ZCCHC4: variants seen among roughly 807,000 people sequenced by gnomAD.
ZCCHC4 encodes zinc finger CCHC-type containing 4, also known as rRNA N(6)-adenosine-methyltransferase ZCCHC4.
Under a neutral mutation model 67.7 loss-of-function variants are expected in ZCCHC4, and 54 were observed. The ratio of observed to expected loss-of-function variants is 0.80; its 90% CI spans 0.64 to 1.00. ZCCHC4 has a LOEUF of 1.00. ZCCHC4 is among the 50% of genes least tolerant of loss of function. ZCCHC4 has a pLI of 0.00. For missense variants in ZCCHC4, 609 were observed against 617.0 expected (o/e 0.99, Z 0.14); for synonymous variants, 198 against 213.5 (o/e 0.93, Z 0.63).
chr4:25,350,254 CTT>C (rs751802021), intron 7 of ZCCHC4, among the ~76,000 whole-genome samples: 5 of 84,908 alleles, frequency 5.9e-5, no homozygotes, highest in East Asian at 4.0e-4. Flanking sequence ...GGTACTGCTT[CTT>C]TTTTTTTTTT....
rs374323875 is a variant in ZCCHC4 at position 25,365,141 on chromosome 4, A to G, written c.1381A>G (p.Ile461Val). 3.7e-6 allele frequency: 6 copies of G among 1,614,126 alleles called. No individual in the cohort carries two copies. The highest frequency in any genetic ancestry group is 5.1e-6 in the Non-Finnish European group (6 of 1,179,988). ...LDHKRSTCPNIATSKRANKAV... is the reference protein window; with the variant it reads ...LDHKRSTCPNVATSKRANKAV... The stretch of plus-strand genomic sequence containing the variant: ...TCATAAACGCAGTACTTGTCCTAAC[A>G]TTGCTACATCTAAGAGAGCTAACAA... The change falls in exon 12 of 13, where the codon ATT (isoleucine) becomes GTT (valine). Residue 461 changes from isoleucine to valine, a missense_variant. By Grantham distance (29) the Ile-to-Val change is conservative (BLOSUM62 3). Transcript: ENST00000302874.
chr4:25,366,642 T>G (rs1165597017), intron 12 of ZCCHC4, among the ~76,000 whole-genome samples: 3 of 152,204 alleles, frequency 2.0e-5, no homozygotes, highest in African/African-American at 7.2e-5. Flanking sequence ...ATATTTTCCT[T>G]AGAATAAACC....
rs1415744013 is a variant in ZCCHC4 at position 25,359,089 on chromosome 4, G to A, written c.1012-2770G>A. On this transcript the variant is annotated intron_variant, in intron 8 of 12. Coordinates refer to ENST00000302874, the MANE Select transcript of ZCCHC4 (RefSeq NM_024936.3). This position sits in a 1 kb window ranked among gnomAD's most constrained non-coding sequence, Gnocchi z 4.9. ...TGGGTCAGCCATGTGGCCACAGCAT[G>A]GGTTGTGGTGCCCATTGTCAGCTGT... Among the ~76,000 whole-genome samples the A allele has an allele frequency of 6.6e-6, 1 of 152,208 alleles. No individual in the cohort carries two copies. The highest frequency in any genetic ancestry group is 1.9e-4 in the East Asian group (1 of 5,190).
chr4:25,323,221 G>A (rs1384971366), intron 3 of ZCCHC4, among the ~76,000 whole-genome samples: 2 of 152,176 alleles, frequency 1.3e-5, no homozygotes, highest in African/African-American at 2.4e-5. Context: ...TTCATTAGCT[G>A]TAATTCTTCT....
intron 3 of ZCCHC4, among the ~76,000 whole-genome samples, chr4:25,318,587 TC>T (rs1162891106): frequency 2.0e-5 from 3 of 152,098 alleles, no homozygotes; most frequent in African/African-American, 7.2e-5. Context: ...ACTCCTGACC[TC>T]CGGTGGTCTG....
At chr4:25,361,657 T>C (rs1720744268) in intron 8 of ZCCHC4, 1 of 554,792 alleles carries the variant, frequency 1.8e-6, no homozygotes. Context: ...AAACTGTCTA[T>C]GATCCTTGAG....
intron 7 of ZCCHC4, among the ~76,000 whole-genome samples, chr4:25,350,087 A>C (rs980452143): frequency 5.9e-5 from 9 of 152,198 alleles, no homozygotes; most frequent in Non-Finnish European, 1.0e-4. Flanking sequence ...CCTGAGGTCC[A>C]GGGCTCTACG....
At chr4:25,319,397 AAAAG>A (rs1442263350) in intron 3 of ZCCHC4, among the ~76,000 whole-genome samples, 3 of 152,080 alleles carry the variant, frequency 2.0e-5, no homozygotes, top group Non-Finnish European at 2.9e-5. Context: ...AGAAAAAAAA[AAAAG>A]AAAGAAAAGG....
At chr4:25,318,990 C>T (rs1454241255) in intron 3 of ZCCHC4, among the ~76,000 whole-genome samples, 1 of 151,790 alleles carries the variant, frequency 6.6e-6, no homozygotes, top group East Asian at 1.9e-4. Context: ...ATTGAAGGCT[C>T]AAAAAGCATT....
intron 8 of ZCCHC4, among the ~76,000 whole-genome samples, chr4:25,357,159 A>G (rs1258927039): frequency 1.3e-5 from 2 of 152,238 alleles, no homozygotes; most frequent in Non-Finnish European, 2.9e-5. Flanking sequence ...GATAAGTCCA[A>G]TTGCTATTCC....
rs760723180 is a variant in ZCCHC4 at position 25,351,599 on chromosome 4, C to T, written c.921C>T (p.His307=). The T allele has an allele frequency of 8.1e-6, 13 of 1,607,436 alleles. No individual in the cohort carries two copies. The African/African-American group carries it at 9.4e-5, about 12-fold the overall frequency. The change falls in exon 8 of 13, where the codon CAC becomes CAT. Residue 307 remains histidine (H), a synonymous_variant. Transcript: ENST00000302874. ...WKEGQSQDDS[H]KELPIFWIFP... ...TTTGTGATCCATTAGATGACAGTCA[C>T]AAAGAACTACCCATTTTCTGGATTT...
At chr4:25,365,841 TG>T in intron 12 of ZCCHC4, 6 of 985,408 alleles carry the variant, frequency 6.1e-6, no homozygotes, top group Non-Finnish European at 7.2e-6. Context: ...AGAAAAACAT[TG>T]CTATTTTAAC....
Position 25,324,014 on chromosome 4 carries a change from G to GTTTTTTTTTTTTTTTTTTTTTTTTT in ZCCHC4, c.329+8630_329+8631insTTTTTTTTTTTTTTTTTTTTTTTTT, listed in dbSNP as rs71188998. On this transcript the variant is annotated intron_variant, in intron 3 of 12. Coordinates refer to ENST00000302874, the MANE Select transcript of ZCCHC4 (RefSeq NM_024936.3). The stretch of plus-strand genomic sequence containing the variant: ...TCGTACAGTATGTACTGTTTTTTGT[G>GTTTTTTTTTTTTTTTTTTTTTTTTT]TTTTTTTTTTTTTTTTGAGACAGAG... Among the ~76,000 whole-genome samples, 37 of 82,426 alleles carry GTTTTTTTTTTTTTTTTTTTTTTTTT rather than the reference G, an allele frequency of 4.5e-4. 10 individuals carry two copies. Among genetic ancestry groups the GTTTTTTTTTTTTTTTTTTTTTTTTT allele is most frequent in the Non-Finnish European group, 5.4e-4 (25 of 46,554 alleles). 54.1% of individuals were successfully genotyped at this position (82,426 alleles called of 152,430 possible).
At chr4:25,366,307 A>C in intron 12 of ZCCHC4, 1 of 797,938 alleles carries the variant, frequency 1.3e-6, no homozygotes, top group Non-Finnish European at 1.5e-6. Flanking sequence ...CTTATTGAAG[A>C]ATCTTTTTTT....
chr4:25,357,897 C>T (rs932273457), intron 8 of ZCCHC4, among the ~76,000 whole-genome samples: 12 of 152,010 alleles, frequency 7.9e-5, no homozygotes, highest in African/African-American at 2.9e-4. Flanking sequence ...TTTATTAGGC[C>T]CTAGGTGAGG....
chr4:25,364,543 A>G, intron 11 of ZCCHC4, 38 bp downstream of exon 11: 7 of 1,491,688 alleles, frequency 4.7e-6, no homozygotes, highest in Non-Finnish European at 6.3e-6. Context: ...TCCTATGAAC[A>G]TATTTTAGAG....
At chr4:25,341,202 G>T (rs1719742443) in intron 5 of ZCCHC4, among the ~76,000 whole-genome samples, 1 of 152,134 alleles carries the variant, frequency 6.6e-6, no homozygotes, top group South Asian at 2.1e-4. Flanking sequence ...ACTGTTATCT[G>T]TAAGGCATCC....
At chr4:25,328,178 T>C (rs1266824363) in intron 3 of ZCCHC4, among the ~76,000 whole-genome samples, 1 of 152,248 alleles carries the variant, frequency 6.6e-6, no homozygotes, top group Non-Finnish European at 1.5e-5. Flanking sequence ...ATCTTGCTTA[T>C]ATTGTTTTCA....
At chr4:25,325,028 G>A (rs1262493525) in intron 3 of ZCCHC4, among the ~76,000 whole-genome samples, 1 of 151,770 alleles carries the variant, frequency 6.6e-6, no homozygotes, top group Non-Finnish European at 1.5e-5. Flanking sequence ...TGGATCACGA[G>A]GTCAGGAGAT....
Sources: gnomAD v4.1 joint callset for allele counts (sites outside exome capture counted in the v4.1 genomes callset) on GRCh38, gnomAD v4.1.1 for gene constraint, Gnocchi (gnomAD v3.1) non-coding constraint, MANE v1.5 for transcripts, NCBI Gene and HGNC (gene_info 2026-07-23, HGNC 2026-07-21) for gene names.